The following ZNF875 variants were observed in gnomAD, a reference collection of about 807,000 sequenced individuals.
The protein encoded by ZNF875 is zinc finger protein 875.
ZNF875 carries 14 observed loss-of-function variants against 11.2 expected under a neutral mutation model. The ratio of observed to expected loss-of-function variants is 1.26; its 90% CI spans 0.83 to 1.96. The LOEUF is 1.96. Among genes scored for constraint, ZNF875 ranks in the 30% most tolerant of loss-of-function variants. The pLI is 0.00. For missense variants in ZNF875, 752 were observed against 760.4 expected, an observed-to-expected ratio of 0.99 and a Z score of 0.13; for synonymous variants, 301 against 281.1, an observed-to-expected ratio of 1.07 and a Z score of -0.71.
Position 37,363,575 on chromosome 19 carries a change from CTCA to C in ZNF875, c.1725_1727del (p.Ile576del), listed in dbSNP as rs774772297. 1.5e-5 allele frequency: 25 copies of C among 1,613,158 alleles called. No individual in the cohort carries two copies. The highest frequency in any genetic ancestry group is 1.9e-5 in the Non-Finnish European group (22 of 1,179,480). ...GCAAGGCTTTTGTGCTAAGTTAACTCTCATTAAACACCAGAGAGCACACGCAGG... is the reference window on the plus strand; with the variant it reads ...GCAAGGCTTTTGTGCTAAGTTAACTCTTAAACACCAGAGAGCACACGCAGG... On this transcript the variant is annotated inframe_deletion, in exon 5 of 5. Coordinates refer to ENST00000392153, the MANE Select transcript of ZNF875 (RefSeq NM_001353803.2).
chr19:37,357,161 G>T (rs1381245164), intron 4 of ZNF875, among the ~76,000 whole-genome samples: 1 of 152,074 alleles, frequency 6.6e-6, no homozygotes, highest in Non-Finnish European at 1.5e-5. Context: ...TGGGTTCTCT[G>T]TTCTGTTCCG....
chr19:37,314,527 C>T (rs1246534611), upstream of ZNF875, among the ~76,000 whole-genome samples: 4 of 152,134 alleles, frequency 2.6e-5, no homozygotes, highest in Admixed American at 6.5e-5. Context: ...TCTGAAACAA[C>T]GGAAACTCAA....
intron 2 of ZNF875, among the ~76,000 whole-genome samples, chr19:37,340,521 G>T (rs747449478): frequency 6.6e-6 from 1 of 151,768 alleles, no homozygotes; most frequent in Non-Finnish European, 1.5e-5. Flanking sequence ...CCTCATTTCA[G>T]TGTCTTAGAT....
rs567717001 is a variant in ZNF875, at chr19:37,362,938, G to A, written c.1086G>A (p.Gly362=). 139 of 1,614,170 alleles carry A rather than the reference G, an allele frequency of 8.6e-5. 2 individuals carry two copies. The South Asian group carries it at 1.5e-3, about 17-fold the overall frequency. ...NLITHQRAHT[G]EKPYVCRECG... is the part of the protein sequence containing the mutation. The stretch of plus-strand genomic sequence containing the variant: ...TTACCCACCAGAGGGCGCACACTGG[G>A]GAGAAGCCTTATGTTTGCAGGGAAT... The change falls in exon 5 of 5, where the codon GGG becomes GGA. Residue 362 remains glycine (G), a synonymous_variant. Coordinates refer to ENST00000392153, the MANE Select transcript of ZNF875 (RefSeq NM_001353803.2).
intron 2 of ZNF875, among the ~76,000 whole-genome samples, chr19:37,341,803 AG>A (rs1481973422): frequency 2.1e-4 from 32 of 152,228 alleles, no homozygotes; most frequent in African/African-American, 7.2e-4. Context: ...TTTTTGAGTC[AG>A]ATACCTGTAT....
At chr19:37,336,010 G>A (rs1424748125) in intron 2 of ZNF875, among the ~76,000 whole-genome samples, 1 of 152,108 alleles carries the variant, frequency 6.6e-6, no homozygotes, top group African/African-American at 2.4e-5. Context: ...GTAGTTAATT[G>A]TGAACAACAC....
At chr19:37,352,012 CAT>C (rs945179779) in intron 4 of ZNF875, among the ~76,000 whole-genome samples, 1 of 152,182 alleles carries the variant, frequency 6.6e-6, no homozygotes, top group African/African-American at 2.4e-5. Flanking sequence ...GGTGTGTTAA[CAT>C]ATCATTGTGG....
At chr19:37,346,420 T>G (rs1216139580) in intron 2 of ZNF875, 1 of 152,544 alleles carries the variant, frequency 6.6e-6, no homozygotes, top group Non-Finnish European at 1.5e-5. Context: ...TTTCCCTCCT[T>G]AGGCCTGAGC....
At chr19:37,334,944 T>C in intron 1 of ZNF875, 162 bp downstream of exon 1, 1 of 471,202 alleles carries the variant, frequency 2.1e-6, no homozygotes, top group South Asian at 1.9e-5. Context: ...AGATAAACCC[T>C]CACTCCGTTG....
chr19:37,319,220 A>C (rs530153711), intron 1 of ZNF875, among the ~76,000 whole-genome samples: 74 of 150,584 alleles, frequency 4.9e-4, no homozygotes, highest in Non-Finnish European at 8.7e-4. Flanking sequence ...CTAATTTTGT[A>C]TTTTTAGTAG....
chr19:37,318,105 T>A (rs2030396057), exon 1 of ZNF875: 1 of 154,406 alleles, frequency 6.5e-6, no homozygotes. Context: ...CCCTTCCCCA[T>A]CCGTCCACCG....
chr19:37,350,713 C>T (rs2037716508), intron 4 of ZNF875, among the ~76,000 whole-genome samples: 1 of 149,744 alleles, frequency 6.7e-6, no homozygotes, highest in Non-Finnish European at 1.5e-5. Context: ...TCTATCACTA[C>T]AAAGAAAACT....
intron 2 of ZNF875, among the ~76,000 whole-genome samples, chr19:37,339,123 C>T (rs1225609692): frequency 1.3e-5 from 2 of 151,974 alleles, no homozygotes; most frequent in African/African-American, 4.8e-5. Flanking sequence ...TCTGCACACT[C>T]AGGAGTCTTC....
At chr19:37,361,844 G>C (rs2039972346) in intron 4 of ZNF875, 2 of 371,370 alleles carry the variant, frequency 5.4e-6, no homozygotes, top group Non-Finnish European at 4.8e-6. Context: ...TTGAACCCTG[G>C]AGGCGGAGGT....
At chr19:37,347,916 C>T (rs940086053) in intron 4 of ZNF875, 44 bp downstream of exon 4, 1 of 1,159,080 alleles carries the variant, frequency 8.6e-7, no homozygotes, top group African/African-American at 1.5e-5. Context: ...CACAGCTTGG[C>T]AGATAGGAAG....
intron 1 of ZNF875, among the ~76,000 whole-genome samples, chr19:37,321,118 A>G (rs1212857086): frequency 2.0e-5 from 3 of 152,090 alleles, no homozygotes; most frequent in African/African-American, 4.8e-5. Flanking sequence ...AAAGCCAGGT[A>G]TTGTCCAAGG....
At chr19:37,327,599 C>T (rs2145773319) in intron 4 of ZNF875, among the ~76,000 whole-genome samples, 1 of 151,422 alleles carries the variant, frequency 6.6e-6, no homozygotes, top group East Asian at 2.0e-4. Flanking sequence ...AAAACCCCGT[C>T]TCTACTAAAA....
At chr19:37,324,931 C>T (rs1347486845) in intron 4 of ZNF875, 1 of 152,262 alleles carries the variant, frequency 6.6e-6, no homozygotes, top group Non-Finnish European at 1.5e-5. Flanking sequence ...CATGCTACCA[C>T]ACCTGGTTAA....
chr19:37,331,215 A>C (rs557607376), upstream of ZNF875, among the ~76,000 whole-genome samples: 352 of 133,336 alleles, frequency 2.6e-3, 2 homozygotes, highest in Non-Finnish European at 4.3e-3. Context: ...AAGTGTATAG[A>C]GCTAATAACT....
Sources: gnomAD v4.1 joint callset for allele counts (sites outside exome capture counted in the v4.1 genomes callset) on GRCh38, gnomAD v4.1.1 for gene constraint, MANE v1.5 for transcripts, NCBI Gene and HGNC (gene_info 2026-07-23, HGNC 2026-07-21) for gene names.